TBC1D1: variants seen among roughly 807,000 people sequenced by gnomAD.
The protein encoded by TBC1D1 is TBC1 domain family member 1.
TBC1D1 carries 89 observed loss-of-function variants against 125.6 expected under a neutral mutation model. That is an observed-to-expected ratio of 0.71 (90% CI 0.60 to 0.85). The LOEUF is 0.85. Ranked by LOEUF, TBC1D1 falls within the 40% of genes least tolerant of loss-of-function variation. TBC1D1 has a pLI of 0.00. For synonymous variants in TBC1D1, 565 were observed against 564.1 expected (o/e 1.00, Z -0.02); for missense variants, 1,377 against 1,469.2 (o/e 0.94, Z 1.03).
intron 2 of TBC1D1, among the ~76,000 whole-genome samples, chr4:37,922,772 A>G (rs1406002780): frequency 3.3e-5 from 5 of 152,174 alleles, no homozygotes; most frequent in African/African-American, 1.2e-4. Flanking sequence ...CCCATGGCTA[A>G]TTAGCCTATT....
chr4:38,004,493 G>A (rs1739692018), intron 2 of TBC1D1, among the ~76,000 whole-genome samples: 1 of 152,156 alleles, frequency 6.6e-6, no homozygotes, highest in African/African-American at 2.4e-5. Flanking sequence ...TCCTGAATAT[G>A]CCTTTTTTTT....
chr4:38,102,107 G>T (rs148297842), intron 14 of TBC1D1, among the ~76,000 whole-genome samples: 2 of 108,112 alleles, frequency 1.8e-5, no homozygotes, highest in East Asian at 3.4e-4. Context: ...GTGGGGGGAG[G>T]GGGGAGGGAT....
At chr4:38,073,632 A>C (rs16994179) in intron 12 of TBC1D1, among the ~76,000 whole-genome samples, 1 of 152,042 alleles carries the variant, frequency 6.6e-6, no homozygotes, top group Non-Finnish European at 1.5e-5. Flanking sequence ...AACTTAAATC[A>C]TGGCCCTTCC....
chr4:37,941,176 T>C (rs1725486662), intron 2 of TBC1D1, among the ~76,000 whole-genome samples: 1 of 152,196 alleles, frequency 6.6e-6, no homozygotes. Context: ...GTTGGTAGGC[T>C]ATTAATTATT....
intron 2 of TBC1D1, among the ~76,000 whole-genome samples, chr4:37,934,735 C>G (rs960955405): frequency 6.6e-6 from 1 of 152,190 alleles, no homozygotes; most frequent in Non-Finnish European, 1.5e-5. Flanking sequence ...GGGGACCCTT[C>G]AGTGTCATTT....
At chr4:38,115,995 A>G (rs141848930) in intron 16 of TBC1D1, 41 bp downstream of exon 18, 31 of 1,601,248 alleles carry the variant, frequency 1.9e-5, no homozygotes, top group African/African-American at 4.0e-5. Context: ...ACAAAATGCT[A>G]AGAATGTTTC....
At chr4:37,903,591 T>C (rs1412506377) in intron 2 of TBC1D1, among the ~76,000 whole-genome samples, 1 of 152,188 alleles carries the variant, frequency 6.6e-6, no homozygotes. Context: ...ATGCTAAAGT[T>C]TTCTCTCTGC....
intron 17 of TBC1D1, 67 bp downstream of exon 19, chr4:38,118,259 T>C (rs1763297015): frequency 5.1e-6 from 8 of 1,554,932 alleles, no homozygotes; most frequent in Non-Finnish European, 7.1e-6. Flanking sequence ...ATTTCCTGTC[T>C]CTCCGTGGTG....
At chr4:37,920,864 A>C (rs986229960) in intron 2 of TBC1D1, among the ~76,000 whole-genome samples, 2 of 152,100 alleles carry the variant, frequency 1.3e-5, no homozygotes, top group Non-Finnish European at 2.9e-5. Context: ...TAATCCCAGC[A>C]CTTTGGGAGG....
chr4:38,030,738 T>C (rs1031481738), intron 7 of TBC1D1, among the ~76,000 whole-genome samples: 6 of 152,216 alleles, frequency 3.9e-5, no homozygotes, highest in African/African-American at 1.2e-4. Context: ...CAGTCTTTCC[T>C]GGAGGGGAAT....
intron 16 of TBC1D1, among the ~76,000 whole-genome samples, chr4:38,116,300 C>T (rs1186394509): frequency 2.6e-5 from 4 of 152,158 alleles, no homozygotes; most frequent in Admixed American, 6.5e-5. Flanking sequence ...CAGATGATCT[C>T]AGACCTACCT....
Position 37,891,306 on chromosome 4 carries a change from G to T in TBC1D1, c.-136G>T, listed in dbSNP as rs1309466517. 1 of 152,332 alleles carries T rather than the reference G, an allele frequency of 6.6e-6. No individual in the cohort carries two copies. Among genetic ancestry groups the T allele is most frequent in the African/African-American group, 2.4e-5 (1 of 41,416 alleles). 9.4% of individuals were successfully genotyped at this position (152,332 alleles called of 1,614,324 possible). ...CCCCAGGATGCCCCCAAGCACCTGC[G>T]CGTCCCGGCCCGGCCCCGGGCTCTG... is the stretch of plus-strand genomic sequence containing the variant. On this transcript the variant is annotated 5_prime_UTR_variant, in exon 1 of 20. Transcript: ENST00000261439.
chr4:37,920,445 C>T (rs1259823304), intron 2 of TBC1D1, among the ~76,000 whole-genome samples: 1 of 151,986 alleles, frequency 6.6e-6, no homozygotes, highest in African/African-American at 2.4e-5. Flanking sequence ...CTGGGGAGTG[C>T]AGAAAAGAGG....
intron 2 of TBC1D1, among the ~76,000 whole-genome samples, chr4:37,985,745 T>C (rs1735308237): frequency 6.6e-6 from 1 of 152,072 alleles, no homozygotes; most frequent in Non-Finnish European, 1.5e-5. Flanking sequence ...CTGAGATGAG[T>C]AGGACATGGG....
rs1553921317 is a variant in TBC1D1 at position 38,028,130 on chromosome 4, C to CAAACAAAA, written c.1302+254_1302+255insCAAAAAAA. 4.4e-3 allele frequency among the ~76,000 whole-genome samples: 667 copies of CAAACAAAA among 150,334 alleles called. 5 individuals are homozygous for CAAACAAAA. The highest frequency in any genetic ancestry group is 0.015 in the African/African-American group (595 of 40,806). On this transcript the variant is annotated intron_variant, in intron 7 of 19. Coordinates refer to ENST00000261439, the MANE Select transcript of TBC1D1 (RefSeq NM_015173.4). ...CTAAAAAAACAAACAAACAAACAAA[C>CAAACAAAA]AAAAAAAACAGCAAAAAAAAAAATC...
chr4:38,015,116 C>A, intron 3 of TBC1D1, 143 bp downstream of exon 3: 1 of 745,988 alleles, frequency 1.3e-6, no homozygotes, highest in Non-Finnish European at 2.1e-6. Flanking sequence ...CAATTCTATT[C>A]TTAGGATAAG....
At chr4:37,907,281 C>T (rs1217866687) in intron 2 of TBC1D1, among the ~76,000 whole-genome samples, 1 of 152,194 alleles carries the variant, frequency 6.6e-6, no homozygotes, top group African/African-American at 2.4e-5. Context: ...TGCTACAACT[C>T]GACAAGTGGT....
intron 2 of TBC1D1, among the ~76,000 whole-genome samples, chr4:37,924,037 C>T (rs111778910): frequency 0.021 from 3,262 of 152,212 alleles, 115 homozygotes; most frequent in African/African-American, 0.075. Flanking sequence ...TCACTGTGAT[C>T]GATCTTTGCA....
intron 2 of TBC1D1, chr4:37,961,255 C>A (rs1466433181): frequency 5.0e-6 from 3 of 603,454 alleles, no homozygotes; most frequent in African/African-American, 1.9e-5. Flanking sequence ...AAACAGGAGA[C>A]AGGAAATAGC....
Sources: allele counts gnomAD v4.1 joint callset (sites outside exome capture counted in the v4.1 genomes callset), GRCh38; gene constraint gnomAD v4.1.1; transcripts MANE v1.5; gene names NCBI Gene and HGNC (gene_info 2026-07-23, HGNC 2026-07-21).